Variants in GLCCI1 observed in about 807,000 individuals in gnomAD.
The protein encoded by GLCCI1 is glucocorticoid induced 1.
Under a neutral mutation model 52.2 loss-of-function variants are expected in GLCCI1, and 24 were observed. That is an observed-to-expected ratio of 0.46 (90% CI 0.33 to 0.65). The LOEUF (loss-of-function observed/expected upper bound fraction) is 0.65, where lower values mean the gene tolerates loss of function less well. GLCCI1 is among the 30% of genes least tolerant of loss of function. GLCCI1 has a pLI of 0.02. For missense variants in GLCCI1, 704 were observed against 701.5 expected (o/e 1.00, Z -0.04); for synonymous variants, 310 against 276.5 (o/e 1.12, Z -1.20).
At position 8,078,208 on chromosome 7, in the gene GLCCI1, T is replaced by TAAAA. The variant is rs5882151; in HGVS notation, c.1178-6670_1178-6667dup. The stretch of plus-strand genomic sequence containing the variant: ...TGGGCGACAGTGCGAGACTCCGTCT[T>TAAAA]AAAAAAAAAAAAAAAAAAAAAAGGC... On this transcript the variant is annotated intron_variant, in intron 6 of 7. Coordinates refer to ENST00000223145, the MANE Select transcript of GLCCI1 (RefSeq NM_138426.4). Among the ~76,000 whole-genome samples, 179 of 86,174 alleles carry TAAAA rather than the reference T, an allele frequency of 2.1e-3. 2 individuals carry two copies. The highest frequency in any genetic ancestry group is 6.4e-3 in the African/African-American group (134 of 20,884). The allele number at this position is 86,174 out of a possible 152,430, so 56.5% of individuals were successfully genotyped here.
chr7:8,035,187 G>C (rs1781838660), intron 3 of GLCCI1, among the ~76,000 whole-genome samples: 1 of 152,176 alleles, frequency 6.6e-6, no homozygotes, highest in Admixed American at 6.5e-5. Flanking sequence ...TGCTCCTAAG[G>C]GAAGGGAAAG....
At chr7:7,990,519 C>G (rs779026449) in intron 1 of GLCCI1, among the ~76,000 whole-genome samples, 1 of 152,084 alleles carries the variant, frequency 6.6e-6, no homozygotes, top group Non-Finnish European at 1.5e-5. Flanking sequence ...TTCAGTTGCT[C>G]TCAATCCTTG....
At chr7:8,057,927 A>G (rs1782434764) in intron 4 of GLCCI1, among the ~76,000 whole-genome samples, 2 of 152,346 alleles carry the variant, frequency 1.3e-5, no homozygotes, top group Non-Finnish European at 2.9e-5. Context: ...TAGGTGGAAT[A>G]TGAAGTCTAG....
chr7:7,990,673 A>G (rs926443120), intron 1 of GLCCI1, among the ~76,000 whole-genome samples: 2 of 151,968 alleles, frequency 1.3e-5, no homozygotes, highest in Non-Finnish European at 2.9e-5. Context: ...TCTGTAAGAC[A>G]TTTTCCTTCA....
intron 2 of GLCCI1, among the ~76,000 whole-genome samples, chr7:8,008,295 T>A (rs543882964): frequency 6.6e-6 from 1 of 151,976 alleles, no homozygotes; most frequent in Admixed American, 6.6e-5. Flanking sequence ...ATCTTTTTTT[T>A]TTTTTTTTGA....
In GLCCI1 at chr7:7,986,891, A is replaced by G. The variant is rs927004453; in HGVS notation, c.458-17017A>G. Reference sequence around the variant, plus strand: ...TTTCTCCCATCCTTCTGGTCACTATATCTTGTCTTACCTTCTCAGAATTAT... The same window carrying G: ...TTTCTCCCATCCTTCTGGTCACTATGTCTTGTCTTACCTTCTCAGAATTAT... On this transcript the variant is annotated intron_variant, in intron 1 of 7. Transcript: ENST00000223145. 2.0e-5 allele frequency among the ~76,000 whole-genome samples: 3 copies of G among 152,008 alleles called. No homozygotes were observed. In the South Asian group the frequency reaches 6.2e-4, roughly 32 times the overall value.
chr7:8,030,330 A>G (rs1160322469), intron 3 of GLCCI1, among the ~76,000 whole-genome samples: 12 of 152,188 alleles, frequency 7.9e-5, no homozygotes, highest in Non-Finnish European at 1.8e-4. Flanking sequence ...GAAACTGGAT[A>G]TGCCTATGCA....
chr7:7,983,027 G>C (rs1276320825), intron 1 of GLCCI1, among the ~76,000 whole-genome samples: 6 of 152,104 alleles, frequency 3.9e-5, no homozygotes, highest in Admixed American at 3.9e-4. Flanking sequence ...TTGCCCCGTT[G>C]TACTTTGTAT....
chr7:8,032,647 A>G (rs778466679), intron 3 of GLCCI1, among the ~76,000 whole-genome samples: 23 of 152,036 alleles, frequency 1.5e-4, no homozygotes, highest in Non-Finnish European at 2.4e-4. Flanking sequence ...CTGAGATGAA[A>G]TGGACAAATT....
At chr7:8,070,875 A>G in intron 5 of GLCCI1, 46 bp from the exon 6 acceptor site, 1 of 1,500,992 alleles carries the variant, frequency 6.7e-7, no homozygotes, top group African/African-American at 1.4e-5. Context: ...TATGTAGATG[A>G]ATATATGCAC....
rs745909730 is a variant in GLCCI1, at chr7:8,055,473, A to G, written c.737A>G (p.Gln246Arg). 4 of 1,614,010 alleles carry G rather than the reference A, an allele frequency of 2.5e-6. No homozygotes were observed. The highest frequency in any genetic ancestry group is 2.5e-6 in the Non-Finnish European group (3 of 1,179,898). ...KLRQQLQRSKQSSRHSKEKDR... is the reference protein window; with the variant it reads ...KLRQQLQRSKRSSRHSKEKDR... ...AGGCAGCAACTACAACGCAGTAAAC[A>G]GAGTAGTCGTCACAGTAAGGAGAAA... is the stretch of plus-strand genomic sequence containing the variant. The change falls in exon 4 of 8, where the codon CAG (glutamine) becomes CGG (arginine). Residue 246 changes from glutamine to arginine, a missense_variant. This residue lies in a region of GLCCI1 where 547 missense variants were observed against 524.8 expected (regional missense o/e 1.04). Transcript: ENST00000223145.
At chr7:7,990,285 T>C (rs1391422543) in intron 1 of GLCCI1, among the ~76,000 whole-genome samples, 2 of 152,030 alleles carry the variant, frequency 1.3e-5, no homozygotes, top group African/African-American at 4.8e-5. Context: ...GAGAAAAAAA[T>C]TAAATACAGT....
intron 6 of GLCCI1, among the ~76,000 whole-genome samples, chr7:8,077,763 A>T (rs981048569): frequency 6.6e-6 from 1 of 152,236 alleles, no homozygotes; most frequent in Non-Finnish European, 1.5e-5. Flanking sequence ...CTACATGCCA[A>T]CAAAGATATT....
intron 2 of GLCCI1, among the ~76,000 whole-genome samples, chr7:8,020,953 T>TAAA (rs1368683102): frequency 2.0e-5 from 3 of 152,184 alleles, no homozygotes; most frequent in Non-Finnish European, 4.4e-5. Flanking sequence ...AAGTAATAGT[T>TAAA]TTTTATAAGC....
intron 4 of GLCCI1, among the ~76,000 whole-genome samples, chr7:8,057,089 A>G (rs575408911): frequency 1.3e-5 from 2 of 152,346 alleles, no homozygotes; most frequent in East Asian, 3.9e-4. Flanking sequence ...ACAGCCACAC[A>G]TTGCTGGTGG....
chr7:8,028,891 A>G (rs1184996790), intron 3 of GLCCI1, among the ~76,000 whole-genome samples: 1 of 152,196 alleles, frequency 6.6e-6, no homozygotes, highest in Non-Finnish European at 1.5e-5. Context: ...TAACCTACCA[A>G]GACAGAATCA....
intron 7 of GLCCI1, among the ~76,000 whole-genome samples, chr7:8,085,381 CAGA>C (rs1368114494): frequency 6.6e-6 from 1 of 152,206 alleles, no homozygotes; most frequent in African/African-American, 2.4e-5. Context: ...CTCCACAAGC[CAGA>C]AGATTAGTCT....
chr7:7,978,572 G>C (rs1036981054), intron 1 of GLCCI1, among the ~76,000 whole-genome samples: 1 of 152,086 alleles, frequency 6.6e-6, no homozygotes, highest in African/African-American at 2.4e-5. Flanking sequence ...GTTCTGCATA[G>C]TAGTTAATGT....
At chr7:7,977,543 T>A (rs1780519292) in intron 1 of GLCCI1, among the ~76,000 whole-genome samples, 2 of 152,154 alleles carry the variant, frequency 1.3e-5, no homozygotes, top group Non-Finnish European at 2.9e-5. Flanking sequence ...ATACTAGATT[T>A]GGAGTCAAGA....
Sources: gnomAD v4.1 joint callset for allele counts (sites outside exome capture counted in the v4.1 genomes callset) on GRCh38, gnomAD v4.1.1 for gene constraint, gnomAD v4.1.1 regional missense constraint, MANE v1.5 for transcripts, NCBI Gene and HGNC (gene_info 2026-07-23, HGNC 2026-07-21) for gene names.